The following SAMD12 variants were observed in gnomAD, a reference collection of about 807,000 sequenced individuals.
SAMD12 encodes the protein sterile alpha motif domain-containing protein 12.
In SAMD12, 9 loss-of-function variants were observed where a neutral mutation model predicts 15.0. The observed-to-expected ratio is 0.60, with a 90% confidence interval of 0.36 to 1.05. SAMD12 has a LOEUF of 1.05. Ranked by LOEUF, SAMD12 falls within the 50% of genes least tolerant of loss-of-function variation. SAMD12 has a pLI of 0.01. For synonymous variants in SAMD12, 86 were observed against 90.1 expected (o/e 0.96, Z 0.25); for missense variants, 230 against 234.2 (o/e 0.98, Z 0.12).
At chr8:118,166,071 A>G in the SAMD12 span, among the ~76,000 whole-genome samples, 3 of 152,110 alleles carry the variant, frequency 2.0e-5, no homozygotes, top group Non-Finnish European at 4.4e-5. Context: ...TCTTATATTT[A>G]TTGCCTAAAA....
chr8:118,525,976 G>T (rs1006006307), intron 2 of SAMD12, among the ~76,000 whole-genome samples: 1 of 152,150 alleles, frequency 6.6e-6, no homozygotes, highest in African/African-American at 2.4e-5. Context: ...AAATACCAAA[G>T]AATCTAACTG....
chr8:118,502,695 TTTTGAAGAAAACATC>T (rs1359681818), intron 2 of SAMD12, among the ~76,000 whole-genome samples: 1 of 152,222 alleles, frequency 6.6e-6, no homozygotes, highest in East Asian at 1.9e-4. Flanking sequence ...ACCGCTATAA[TTTTGAAGAAAACATC>T]TTGAAACCAC....
intron 1 of SAMD12, 104 bp downstream of exon 1, chr8:118,621,699 AC>A: frequency 1.5e-6 from 2 of 1,319,222 alleles, no homozygotes; most frequent in Admixed American, 1.7e-5. Flanking sequence ...GCTCTCCGCC[AC>A]CCCCTTTCCT....
intron 2 of SAMD12, among the ~76,000 whole-genome samples, chr8:118,552,448 G>T (rs925571905): frequency 6.6e-6 from 1 of 152,162 alleles, no homozygotes; most frequent in Non-Finnish European, 1.5e-5. Flanking sequence ...CTCAATAGAT[G>T]CAGAAAAGGC....
intron 4 of SAMD12, among the ~76,000 whole-genome samples, chr8:118,300,894 A>G (rs28398471): frequency 0.023 from 3,574 of 152,304 alleles, 113 homozygotes; most frequent in African/African-American, 0.076. Context: ...TACAATGTAA[A>G]CACATCTTAC....
intron 2 of SAMD12, among the ~76,000 whole-genome samples, chr8:118,514,558 A>G (rs1825177605): frequency 6.6e-6 from 1 of 152,238 alleles, no homozygotes; most frequent in South Asian, 2.1e-4. Flanking sequence ...AGGTATTTAA[A>G]GTGGTTCACC....
chr8:118,434,110 T>C (rs1376360764), intron 3 of SAMD12, among the ~76,000 whole-genome samples: 1 of 152,130 alleles, frequency 6.6e-6, no homozygotes, highest in Admixed American at 6.6e-5. Flanking sequence ...CCAAAGGTCC[T>C]AAAAAGATAG....
At chr8:118,362,279 C>T (rs1047560558) in intron 4 of SAMD12, among the ~76,000 whole-genome samples, 2 of 152,156 alleles carry the variant, frequency 1.3e-5, no homozygotes, top group African/African-American at 4.8e-5. Flanking sequence ...TATAGTAAAA[C>T]TCTTTCCGTA....
chr8:118,545,345 T>A (rs1826094862), intron 2 of SAMD12, among the ~76,000 whole-genome samples: 1 of 151,994 alleles, frequency 6.6e-6, no homozygotes, highest in Non-Finnish European at 1.5e-5. Flanking sequence ...CAGGCACCTG[T>A]AATCCCAGCT....
downstream of SAMD12, among the ~76,000 whole-genome samples, chr8:118,185,984 C>T (rs1159701816): frequency 1.3e-5 from 2 of 152,100 alleles, no homozygotes. Flanking sequence ...TGGTCTAGAA[C>T]AGTATTTCCA....
chr8:118,350,024 G>A (rs1817878831), intron 4 of SAMD12, among the ~76,000 whole-genome samples: 1 of 151,830 alleles, frequency 6.6e-6, no homozygotes, highest in Admixed American at 6.6e-5. Context: ...GCTTCTCAAG[G>A]GGCTGGGGTA....
At position 118,378,272 on chromosome 8, in the gene SAMD12, T is replaced by G. The variant is rs988387683; in HGVS notation, c.*1145A>C. 2 of 450,146 alleles carry G rather than the reference T, an allele frequency of 4.4e-6. No homozygotes were observed. The highest frequency in any genetic ancestry group is 5.9e-6 in the Non-Finnish European group (2 of 341,492). The allele number at this position is 450,146 out of a possible 1,614,324, so 27.9% of individuals were successfully genotyped here. A position where few individuals can be genotyped will look rare whatever the true frequency, so the allele number is the denominator to read the frequency against. ...CATTGCTGGACCTCTAGGTTGCTTG[T>G]AAATTTTCCGTTTTCCAAATAGCAC... On this transcript the variant is annotated 3_prime_UTR_variant, in exon 4 of 4. Transcript: ENST00000314727.
chr8:118,458,398 G>C (rs1046277592), intron 2 of SAMD12, among the ~76,000 whole-genome samples: 2 of 152,120 alleles, frequency 1.3e-5, no homozygotes, highest in African/African-American at 4.8e-5. Context: ...TTCTGAACAG[G>C]TGCAAAAGAA....
At position 118,379,303 on chromosome 8, in the gene SAMD12, C is replaced by A; in HGVS notation, c.*114G>T. The A allele has an allele frequency of 6.8e-7, 1 of 1,478,648 alleles. No homozygotes were observed. Among genetic ancestry groups the A allele is most frequent in the Non-Finnish European group, 8.9e-7 (1 of 1,119,132 alleles). 91.6% of individuals were successfully genotyped at this position (1,478,648 alleles called of 1,614,324 possible). A position where few individuals can be genotyped will look rare whatever the true frequency, so the allele number is the denominator to read the frequency against. On this transcript the variant is annotated 3_prime_UTR_variant, in exon 4 of 4. Coordinates refer to ENST00000314727, the MANE Select transcript of SAMD12 (RefSeq NM_207506.3). ...GTTGTGCAGTACACAATCCATACAA[C>A]TGTACGTGACCACCTTGAAGTTAGC...
intron 1 of SAMD12, among the ~76,000 whole-genome samples, chr8:118,603,908 AAC>A (rs1426933057): frequency 1.1e-4 from 17 of 152,350 alleles, no homozygotes; most frequent in East Asian, 5.8e-4. Context: ...AAGTTTATAG[AAC>A]ACAGCATATA....
chr8:118,227,455 C>A (rs1162695572), intron 4 of SAMD12, among the ~76,000 whole-genome samples: 8 of 152,012 alleles, frequency 5.3e-5, no homozygotes, highest in Admixed American at 1.3e-4. Context: ...ATCTACATAA[C>A]AAACCCTCAT....
chr8:118,336,084 A>T (rs6993964), intron 4 of SAMD12, among the ~76,000 whole-genome samples: 1 of 151,896 alleles, frequency 6.6e-6, no homozygotes. Flanking sequence ...CTTCCATGCT[A>T]CAAATTAGTT....
intron 3 of SAMD12, among the ~76,000 whole-genome samples, chr8:118,381,475 T>C (rs1204518351): frequency 6.6e-6 from 1 of 152,210 alleles, no homozygotes; most frequent in Non-Finnish European, 1.5e-5. Flanking sequence ...AAAAGGGACT[T>C]TGCAAATGTG....
At chr8:118,146,806 T>C in the SAMD12 span, among the ~76,000 whole-genome samples, 1 of 152,202 alleles carries the variant, frequency 6.6e-6, no homozygotes, top group African/African-American at 2.4e-5. Context: ...GAATGTTTTT[T>C]GCTACTTCTA....
Sources: allele counts gnomAD v4.1 joint callset (sites outside exome capture counted in the v4.1 genomes callset), GRCh38; gene constraint gnomAD v4.1.1; transcripts MANE v1.5; gene names NCBI Gene and HGNC (gene_info 2026-07-23, HGNC 2026-07-21).